SGCD: variants seen among roughly 807,000 people sequenced by gnomAD.
SGCD encodes the protein delta-sarcoglycan.
A neutral mutation model predicts 36.6 loss-of-function variants in SGCD; 18 were observed. The ratio of observed to expected loss-of-function variants is 0.49; its 90% confidence interval spans 0.34 to 0.73. The LOEUF (loss-of-function observed/expected upper bound fraction) is 0.73, where lower values mean the gene tolerates loss of function less well. Among genes scored for constraint, SGCD ranks in the 30% least tolerant of loss-of-function variants. SGCD has a pLI of 0.01. For synonymous variants in SGCD, 133 were observed against 130.6 expected, an observed-to-expected ratio of 1.02 and a Z score of -0.12; for missense variants, 387 against 346.7, an observed-to-expected ratio of 1.12 and a Z score of -0.92.
At chr5:156,029,125 G>A (rs1394957183) in intron 1 of SGCD, among the ~76,000 whole-genome samples, 2 of 152,010 alleles carry the variant, frequency 1.3e-5, no homozygotes, top group African/African-American at 4.8e-5. Context: ...AACCGGTTCT[G>A]CATGAGTAGT....
chr5:156,539,560 T>A (rs1477180718), intron 4 of SGCD, among the ~76,000 whole-genome samples: 1 of 152,130 alleles, frequency 6.6e-6, no homozygotes, highest in Non-Finnish European at 1.5e-5. Context: ...GCCTCCAGCT[T>A]CATCCAAGTT....
At chr5:155,927,618 G>T (rs1757017814) in intron 1 of SGCD, among the ~76,000 whole-genome samples, 1 of 152,212 alleles carries the variant, frequency 6.6e-6, no homozygotes, top group Non-Finnish European at 1.5e-5. Flanking sequence ...TGAATATAAA[G>T]TAGTAATTGG....
At chr5:156,157,489 A>T (rs188996304) in intron 3 of SGCD, among the ~76,000 whole-genome samples, 1 of 151,766 alleles carries the variant, frequency 6.6e-6, no homozygotes. Flanking sequence ...CCACCTACTC[A>T]AAACCTCCAT....
intron 3 of SGCD, among the ~76,000 whole-genome samples, chr5:156,266,499 T>C (rs1487237680): frequency 6.6e-6 from 1 of 152,226 alleles, no homozygotes; most frequent in Non-Finnish European, 1.5e-5. Context: ...TTAAAAAATT[T>C]TGTAGATGGA....
intron 3 of SGCD, among the ~76,000 whole-genome samples, chr5:156,304,035 T>G (rs1304575386): frequency 1.3e-5 from 2 of 152,048 alleles, no homozygotes; most frequent in Non-Finnish European, 2.9e-5. Context: ...CACCAGTACT[T>G]GCACAGGAAT....
At chr5:156,707,887 C>G (rs1417327317) in intron 7 of SGCD, among the ~76,000 whole-genome samples, 1 of 152,104 alleles carries the variant, frequency 6.6e-6, no homozygotes, top group Admixed American at 6.5e-5. Flanking sequence ...GTATTTTCTT[C>G]AACAATAACA....
At chr5:155,902,161 C>T (rs543982529) in intron 1 of SGCD, among the ~76,000 whole-genome samples, 3 of 152,172 alleles carry the variant, frequency 2.0e-5, no homozygotes, top group Non-Finnish European at 4.4e-5. Flanking sequence ...TTAAGAAAGT[C>T]ACTTTTCCAC....
At chr5:155,946,961 G>T (rs74641578) in intron 1 of SGCD, among the ~76,000 whole-genome samples, 3 of 152,170 alleles carry the variant, frequency 2.0e-5, no homozygotes, top group Admixed American at 6.5e-5. Flanking sequence ...ATAGAACCTG[G>T]CAGGAAAGAT....
intron 4 of SGCD, among the ~76,000 whole-genome samples, chr5:156,509,277 T>G (rs969123578): frequency 1.3e-5 from 2 of 152,030 alleles, no homozygotes; most frequent in African/African-American, 2.4e-5. Flanking sequence ...ATGCAAAAAT[T>G]TGCCAAGTGT....
chr5:156,417,177 G>A (rs904893568), intron 3 of SGCD, among the ~76,000 whole-genome samples: 10 of 152,098 alleles, frequency 6.6e-5, no homozygotes, highest in Admixed American at 2.0e-4. Context: ...CAAATGTTTT[G>A]ATTGAATTTT....
intron 7 of SGCD, among the ~76,000 whole-genome samples, chr5:156,653,493 C>CTTTTTTTTTTTTTTGT (rs1763547760): frequency 2.1e-5 from 1 of 48,082 alleles, no homozygotes; most frequent in African/African-American, 6.4e-5. Flanking sequence ...CTAAAGCTTG[C>CTTTTTTTTTTTTTTGT]TTTTTTTTTT....
chr5:155,780,962 C>T, the SGCD span, among the ~76,000 whole-genome samples: 1 of 152,148 alleles, frequency 6.6e-6, no homozygotes, highest in Non-Finnish European at 1.5e-5. Flanking sequence ...CACAGTGCTA[C>T]AGTTTGAGTA....
intron 7 of SGCD, among the ~76,000 whole-genome samples, chr5:156,750,850 T>C (rs1436580356): frequency 6.6e-6 from 1 of 152,102 alleles, no homozygotes; most frequent in Non-Finnish European, 1.5e-5. Context: ...AATAGGAGAA[T>C]GAGAAATACT....
At chr5:156,617,335 A>G (rs1762057213) in intron 6 of SGCD, among the ~76,000 whole-genome samples, 1 of 152,226 alleles carries the variant, frequency 6.6e-6, no homozygotes, top group Non-Finnish European at 1.5e-5. Flanking sequence ...GGATAGAAAG[A>G]GAAGAGAGAA....
intron 6 of SGCD, among the ~76,000 whole-genome samples, chr5:156,607,836 G>A (rs1761549269): frequency 6.6e-6 from 1 of 152,144 alleles, no homozygotes; most frequent in Non-Finnish European, 1.5e-5. Flanking sequence ...TTTGTGTAGA[G>A]GTGTTTATAT....
intron 4 of SGCD, among the ~76,000 whole-genome samples, chr5:156,531,481 A>G (rs1031110328): frequency 6.6e-6 from 1 of 152,192 alleles, no homozygotes; most frequent in Non-Finnish European, 1.5e-5. Context: ...CCCCAATGCA[A>G]TGGTGGAAGG....
intron 1 of SGCD, among the ~76,000 whole-genome samples, chr5:155,914,342 A>G (rs1364630084): frequency 6.6e-6 from 1 of 152,150 alleles, no homozygotes; most frequent in Non-Finnish European, 1.5e-5. Flanking sequence ...AAGTTCTTAC[A>G]TCCATTTAAC....
At chr5:156,199,836 G>A (rs1764101729) in intron 3 of SGCD, among the ~76,000 whole-genome samples, 1 of 151,992 alleles carries the variant, frequency 6.6e-6, no homozygotes, top group Non-Finnish European at 1.5e-5. Flanking sequence ...AATAAATTCT[G>A]TAGATCTTGC....
At chr5:156,347,812 A>C (rs1358007664) in intron 3 of SGCD, among the ~76,000 whole-genome samples, 1 of 152,204 alleles carries the variant, frequency 6.6e-6, no homozygotes, top group Non-Finnish European at 1.5e-5. Context: ...AGTATATGTA[A>C]ATGTATATTG....
Sources: gnomAD v4.1 joint callset for allele counts (sites outside exome capture counted in the v4.1 genomes callset) on GRCh38, gnomAD v4.1.1 for gene constraint, MANE v1.5 for transcripts, NCBI Gene and HGNC (gene_info 2026-07-23, HGNC 2026-07-21) for gene names.